Variants in OCSTAMP observed in about 807,000 individuals in gnomAD.
OCSTAMP encodes the protein transmembrane protein C20orf123.
Under a neutral mutation model 25.2 loss-of-function variants are expected in OCSTAMP, and 17 were observed. The observed-to-expected ratio is 0.68, with a 90% CI of 0.46 to 1.01. The LOEUF (loss-of-function observed/expected upper bound fraction) is 1.01, where lower values mean the gene tolerates loss of function less well. Among genes scored for constraint, OCSTAMP ranks in the 50% least tolerant of loss-of-function variants. The pLI, the probability that OCSTAMP is intolerant of heterozygous loss-of-function variation, is 0.00. For missense variants in OCSTAMP, 664 were observed against 694.6 expected (o/e 0.96, Z 0.50); for synonymous variants, 345 against 318.9 (o/e 1.08, Z -0.87).
chr20:46,541,625 C>T lies in OCSTAMP; in HGVS notation c.1350G>A (p.Gln450=). 1.3e-6 allele frequency: 2 copies of T among 1,551,446 alleles called. No individual in the cohort carries two copies. The highest frequency in any genetic ancestry group is 1.2e-5 in the South Asian group (1 of 84,062). The stretch of plus-strand genomic sequence containing the variant: ...GGCCTTGGTGCCTGTCGTGTCTTCG[C>T]TGGAGCCGGGCGTGCAGGTGGCGGA... ...RRVRHLHARL[Q]RRHDRHQGQQ... Residue 450 remains glutamine (Q), a synonymous_variant, in exon 3 of 3, where the codon CAG becomes CAA. Transcript: ENST00000279028.
chr20:46,550,074 G>C (rs73908930), intron 1 of OCSTAMP, among the ~76,000 whole-genome samples: 1 of 152,100 alleles, frequency 6.6e-6, no homozygotes, highest in Non-Finnish European at 1.5e-5. Flanking sequence ...GCTCCCGAAG[G>C]CATTTGAATT....
At chr20:46,547,966 G>T (rs1198754507) in intron 1 of OCSTAMP, among the ~76,000 whole-genome samples, 2 of 152,230 alleles carry the variant, frequency 1.3e-5, no homozygotes, top group Admixed American at 6.5e-5. Flanking sequence ...AACATGCAAG[G>T]TGGGGCTGGT....
intron 2 of OCSTAMP, among the ~76,000 whole-genome samples, chr20:46,542,360 A>G (rs2061837361): frequency 6.6e-6 from 1 of 152,066 alleles, no homozygotes; most frequent in South Asian, 2.1e-4. Context: ...CGGGTGGATC[A>G]CTTGAAGTCA....
At chr20:46,543,654 G>C (rs2061842580) in intron 2 of OCSTAMP, among the ~76,000 whole-genome samples, 1 of 151,810 alleles carries the variant, frequency 6.6e-6, no homozygotes, top group South Asian at 2.1e-4. Flanking sequence ...TTCTTTTTAT[G>C]TATACGCGAG....
chr20:46,542,573 T>C (rs868171409), intron 2 of OCSTAMP, among the ~76,000 whole-genome samples: 2 of 4,182 alleles, frequency 4.8e-4, no homozygotes, highest in African/African-American at 1.4e-3. Flanking sequence ...AGACTCTGTC[T>C]CAAAAAAAAA....
chr20:46,542,833 A>G (rs1247534126), intron 2 of OCSTAMP, among the ~76,000 whole-genome samples: 4 of 152,166 alleles, frequency 2.6e-5, no homozygotes, highest in African/African-American at 9.7e-5. Context: ...GCCACACCCC[A>G]AATGGTTCAA....
At chr20:46,550,439 T>G in intron 1 of OCSTAMP, 78 bp downstream of exon 1, 6 of 1,267,680 alleles carry the variant, frequency 4.7e-6, no homozygotes, top group Non-Finnish European at 5.6e-6. Context: ...GCTGAAGATT[T>G]GGGTTCATAT....
At position 46,545,773 on chromosome 20, in the gene OCSTAMP, GC is replaced by G; in HGVS notation, c.600del (p.Met200IlefsTer24). The G allele has an allele frequency of 6.4e-7, 1 of 1,551,524 alleles. No individual in the cohort carries two copies. The highest frequency in any genetic ancestry group is 2.4e-5 in the East Asian group (1 of 40,922). On this transcript the variant is annotated frameshift_variant, in exon 2 of 3. Transcript: ENST00000279028. LOFTEE classifies it high-confidence loss of function. ...TCCAGGACCTGCTGAGTGACCCTGA[GC>G]ATGTGAAGGTAGAAGGCAGAGCCAT... ...QDNGSAFYLHMLRVTQQVLED... is the reference protein window; with the variant it reads ...QDNGSAFYLHXLRVTQQVLED...
At position 46,541,633 on chromosome 20, in the gene OCSTAMP, G is replaced by C. The variant is rs962769062; in HGVS notation, c.1342C>G (p.Arg448Gly). Reference protein sequence around the residue: ...EARRVRHLHARLQRRHDRHQG... With the variant: ...EARRVRHLHAGLQRRHDRHQG... ...TGCCTGTCGTGTCTTCGCTGGAGCC[G>C]GGCGTGCAGGTGGCGGACCCTCCTC... The change falls in exon 3 of 3, where the codon CGG (arginine) becomes GGG (glycine). Residue 448 changes from arginine to glycine, a missense_variant. Physicochemically the swap from Arg to Gly is moderately radical, Grantham distance 125 (BLOSUM62 -2). Transcript: ENST00000279028. 2 of 1,551,164 alleles carry C rather than the reference G, an allele frequency of 1.3e-6. No homozygotes were observed. Among genetic ancestry groups the C allele is most frequent in the Non-Finnish European group, 1.7e-6 (2 of 1,146,986 alleles).
chr20:46,548,454 C>G (rs2061860171), intron 1 of OCSTAMP, among the ~76,000 whole-genome samples: 1 of 152,150 alleles, frequency 6.6e-6, no homozygotes, highest in South Asian at 2.1e-4. Context: ...TCTGTTTGCT[C>G]AGGTTGGCAG....
intron 1 of OCSTAMP, among the ~76,000 whole-genome samples, chr20:46,548,850 G>A (rs1018819973): frequency 1.2e-4 from 18 of 152,108 alleles, no homozygotes; most frequent in African/African-American, 3.9e-4. Flanking sequence ...GCACCTGACC[G>A]GAGATGGACC....
At chr20:46,544,475 T>C (rs999681783) in intron 2 of OCSTAMP, among the ~76,000 whole-genome samples, 1 of 152,224 alleles carries the variant, frequency 6.6e-6, no homozygotes, top group African/African-American at 2.4e-5. Flanking sequence ...ACTGTTAATA[T>C]TATTAGCTCG....
chr20:46,548,729 C>A lies in OCSTAMP; in HGVS notation c.44+1788G>T, dbSNP rs761723778. 3.3e-5 allele frequency among the ~76,000 whole-genome samples: 5 copies of A among 152,288 alleles called. No homozygotes were observed. In the South Asian group the frequency reaches 6.2e-4, roughly 19 times the overall value. On this transcript the variant is annotated intron_variant, in intron 1 of 2. Coordinates refer to ENST00000279028, the MANE Select transcript of OCSTAMP (RefSeq NM_080721.3). Reference sequence around the variant, plus strand: ...AGGCTGTCACTGTGTTGGTTACAGGCAAAGCTGCTGACTTGCTCCACCATC... The same window carrying A: ...AGGCTGTCACTGTGTTGGTTACAGGAAAAGCTGCTGACTTGCTCCACCATC...
At chr20:46,550,069 C>A (rs753014579) in intron 1 of OCSTAMP, among the ~76,000 whole-genome samples, 3 of 152,096 alleles carry the variant, frequency 2.0e-5, no homozygotes, top group Non-Finnish European at 4.4e-5. Flanking sequence ...TCCCAGCTCC[C>A]GAAGGCATTT....
At chr20:46,547,292 C>G (rs1196611072) in intron 1 of OCSTAMP, among the ~76,000 whole-genome samples, 1 of 152,104 alleles carries the variant, frequency 6.6e-6, no homozygotes, top group African/African-American at 2.4e-5. Context: ...AAATAGAAGT[C>G]AGGAATTCAG....
Position 46,541,687 on chromosome 20 carries a change from C to G in OCSTAMP, c.1288G>C (p.Ala430Pro). The change falls in exon 3 of 3, where the codon GCC becomes CCC. Residue 430 changes from alanine to proline, a missense_variant. Physicochemically the swap from Ala to Pro is conservative, Grantham distance 27. Coordinates refer to ENST00000279028, the MANE Select transcript of OCSTAMP (RefSeq NM_080721.3). ...AYARRLRHAI[A>P]ASFFTAQEAR... ...TCCTGGGCTGTGAAGAAGGAAGCGG[C>G]GATGGCATGCCGCAGGCGGCGGGCG... The G allele has an allele frequency of 6.5e-7, 1 of 1,549,934 alleles. No individual in the cohort carries two copies. The highest frequency in any genetic ancestry group is 1.4e-5 in the African/African-American group (1 of 73,170).
chr20:46,547,201 A>G (rs1383733024), intron 1 of OCSTAMP, among the ~76,000 whole-genome samples: 2 of 151,998 alleles, frequency 1.3e-5, no homozygotes, highest in Non-Finnish European at 2.9e-5. Flanking sequence ...GTGGAGGGGG[A>G]GAGAGGAGGA....
chr20:46,545,216 G>A (rs1601102562), intron 2 of OCSTAMP, 111 bp downstream of exon 2: 1 of 1,182,672 alleles, frequency 8.5e-7, no homozygotes, highest in East Asian at 2.7e-5. Flanking sequence ...GATGATTCAA[G>A]GGCTGTTTCT....
At position 46,545,571 on chromosome 20, in the gene OCSTAMP, G is replaced by A. The variant is rs1414218227; in HGVS notation, c.803C>T (p.Ala268Val). 1 of 1,551,564 alleles carries A rather than the reference G, an allele frequency of 6.4e-7. No homozygotes were observed. Among genetic ancestry groups the A allele is most frequent in the Admixed American group, 2.0e-5 (1 of 50,986 alleles). The change falls in exon 2 of 3, where the codon GCA (alanine) becomes GTA (valine). Residue 268 changes from alanine (A) to valine (V), a missense_variant. Ala to Val is a moderately conservative substitution (Grantham distance 64, BLOSUM62 0). Transcript: ENST00000279028. Reference sequence around the variant, plus strand: ...CAGGAGGTGTGTAGCCTGGGCCTGTGCCAACCGCTGGGTCAGCTGTTGAGT... The same window carrying A: ...CAGGAGGTGTGTAGCCTGGGCCTGTACCAACCGCTGGGTCAGCTGTTGAGT... ...YATQQLTQRL[A>V]QAQATHLLAP...
Sources: gnomAD v4.1 joint callset for allele counts (sites outside exome capture counted in the v4.1 genomes callset) on GRCh38, gnomAD v4.1.1 for gene constraint, MANE v1.5 for transcripts, NCBI Gene and HGNC (gene_info 2026-07-23, HGNC 2026-07-21) for gene names.